The following UBE2E1 variants were observed in gnomAD, a reference collection of about 807,000 sequenced individuals.
UBE2E1 encodes the protein ubiquitin conjugating enzyme E2 E1.
In UBE2E1, 6 loss-of-function variants were observed where a neutral mutation model predicts 21.4. The ratio of observed to expected loss-of-function variants is 0.28; its 90% CI spans 0.15 to 0.55. The LOEUF is 0.55. UBE2E1 is among the 20% of genes least tolerant of loss of function. UBE2E1 has a pLI of 0.93. For missense variants in UBE2E1, 142 were observed against 236.5 expected (o/e 0.60, Z 2.62); for synonymous variants, 87 against 82.7 (o/e 1.05, Z -0.28).
At chr3:23,882,559 G>A (rs1361982079) in intron 3 of UBE2E1, among the ~76,000 whole-genome samples, 1 of 152,258 alleles carries the variant, frequency 6.6e-6, no homozygotes, top group Non-Finnish European at 1.5e-5. Context: ...GCAGGCGATG[G>A]GACCGGGAGC....
chr3:23,854,191 GA>G (rs1417490770), intron 3 of UBE2E1, among the ~76,000 whole-genome samples: 1 of 148,152 alleles, frequency 6.7e-6, no homozygotes, highest in Non-Finnish European at 1.5e-5. Context: ...CTGAGAGGCA[GA>G]GGTTGCAGTG....
intron 3 of UBE2E1, among the ~76,000 whole-genome samples, chr3:23,859,923 G>A (rs889271553): frequency 3.9e-5 from 6 of 151,996 alleles, no homozygotes; most frequent in African/African-American, 1.2e-4. Context: ...GATTTATTTC[G>A]TACTCTCATT....
rs914017293 is a variant in UBE2E1, at chr3:23,880,810, G to A, written c.204-6757G>A. Among the ~76,000 whole-genome samples the A allele has an allele frequency of 3.5e-4, 53 of 152,170 alleles. 1 individual carries two copies. Among genetic ancestry groups the A allele is most frequent in the Non-Finnish European group, 2.9e-5 (2 of 68,036 alleles). ...CTGGAAGATTTTAAGTCAGTCCAGGGAACACAACAGATTCTAGTAAGACTG... is the reference window on the plus strand; with the variant it reads ...CTGGAAGATTTTAAGTCAGTCCAGGAAACACAACAGATTCTAGTAAGACTG... On this transcript the variant is annotated intron_variant, in intron 3 of 5. Coordinates refer to ENST00000306627, the MANE Select transcript of UBE2E1 (RefSeq NM_003341.5).
At position 23,853,306 on chromosome 3, in the gene UBE2E1, TAAG is replaced by T. The variant is rs1700365958; in HGVS notation, c.204-34260_204-34258del. On this transcript the variant is annotated intron_variant, in intron 3 of 5. Coordinates refer to ENST00000306627, the MANE Select transcript of UBE2E1 (RefSeq NM_003341.5). The surrounding 1 kb of genome is among the most constrained non-coding windows in gnomAD (Gnocchi z 4.1). ...GCTCTGAAAAAAATGAAAAATAAAA[TAAG>T]TAGTAGTGAGGGTGGACATGTTTGT... 6.6e-6 allele frequency among the ~76,000 whole-genome samples: 1 copy of T among 152,192 alleles called. No individual in the cohort carries two copies. Among genetic ancestry groups the T allele is most frequent in the Non-Finnish European group, 1.5e-5 (1 of 68,028 alleles).
chr3:23,824,108 C>T (rs548738810), intron 3 of UBE2E1, among the ~76,000 whole-genome samples: 3 of 152,258 alleles, frequency 2.0e-5, no homozygotes, highest in South Asian at 2.1e-4. Flanking sequence ...TTTGTAGATG[C>T]GGGGATTTCT....
chr3:23,826,829 G>T (rs1002331427), intron 3 of UBE2E1, among the ~76,000 whole-genome samples: 9 of 152,082 alleles, frequency 5.9e-5, no homozygotes, highest in African/African-American at 2.2e-4. Context: ...ATTCCTACAC[G>T]TGTATTTTAA....
rs1055019292 is a variant in UBE2E1 at position 23,810,648 on chromosome 3, T to C, written c.153-812T>C. 3 of 951,980 alleles carry C rather than the reference T, an allele frequency of 3.2e-6. No homozygotes were observed. Among genetic ancestry groups the C allele is most frequent in the Non-Finnish European group, 4.4e-6 (3 of 674,734 alleles). The allele number at this position is 951,980 out of a possible 1,614,324, so 59.0% of individuals were successfully genotyped here. ...GTGGTGCCCGAGTGGCGGGCGGGGG[T>C]GTTCGCGCCCTGCTTTCGCGCGCGG... On this transcript the variant is annotated intron_variant, in intron 2 of 5. Transcript: ENST00000306627. The surrounding 1 kb of genome is among the most constrained non-coding windows in gnomAD (Gnocchi z 5.8).
At chr3:23,838,328 A>C (rs1030378242) in intron 3 of UBE2E1, among the ~76,000 whole-genome samples, 4 of 152,080 alleles carry the variant, frequency 2.6e-5, no homozygotes, top group African/African-American at 7.2e-5. Context: ...AGGCCTTCCA[A>C]AGTGCTGGGA....
chr3:23,889,559 GAGTTCTTATAA>G, intron 5 of UBE2E1: 1 of 1,376,836 alleles, frequency 7.3e-7, no homozygotes, highest in Non-Finnish European at 9.3e-7. Context: ...ATTTCCCATA[GAGTTCTTATAA>G]AACAAATCAG....
At chr3:23,886,051 A>G (rs1370612234) in intron 3 of UBE2E1, among the ~76,000 whole-genome samples, 3 of 151,942 alleles carry the variant, frequency 2.0e-5, no homozygotes, top group African/African-American at 7.3e-5. Flanking sequence ...AATAGAAAAC[A>G]TTAGCCAGGT....
intron 3 of UBE2E1, among the ~76,000 whole-genome samples, chr3:23,837,432 C>A (rs1263283763): frequency 6.6e-6 from 1 of 152,148 alleles, no homozygotes; most frequent in Non-Finnish European, 1.5e-5. Context: ...ATACTGGTGT[C>A]TCAAAAAGAT....
intron 3 of UBE2E1, among the ~76,000 whole-genome samples, chr3:23,813,174 G>A (rs1254624192): frequency 1.3e-5 from 2 of 152,190 alleles, no homozygotes; most frequent in Non-Finnish European, 2.9e-5. Flanking sequence ...ACCAAACTGG[G>A]TGGCTGTTGG....
At chr3:23,856,785 A>G (rs975196692) in intron 3 of UBE2E1, among the ~76,000 whole-genome samples, 5 of 152,250 alleles carry the variant, frequency 3.3e-5, no homozygotes, top group African/African-American at 9.6e-5. Flanking sequence ...AATTAATGTC[A>G]TGATTATCAA....
chr3:23,823,035 T>TG lies in UBE2E1; in HGVS notation c.203+11529dup, dbSNP rs1440965285. 3.9e-5 allele frequency among the ~76,000 whole-genome samples: 6 copies of TG among 152,096 alleles called. No individual in the cohort carries two copies. The highest frequency in any genetic ancestry group is 1.4e-4 in the African/African-American group (6 of 41,414). On this transcript the variant is annotated intron_variant, in intron 3 of 5. Coordinates refer to ENST00000306627, the MANE Select transcript of UBE2E1 (RefSeq NM_003341.5). This position sits in a 1 kb window ranked among gnomAD's most constrained non-coding sequence, Gnocchi z 4.2. ...CTAATTTTTGTATTTTTAGTGGAGA[T>TG]GGGGTTTCACCATGTTGGCCAGGCT...
rs570414954 is a variant in UBE2E1 at position 23,840,950 on chromosome 3, A to G, written c.203+29440A>G. Among the ~76,000 whole-genome samples, 40 of 152,202 alleles carry G rather than the reference A, an allele frequency of 2.6e-4. No individual in the cohort carries two copies. In the South Asian group the frequency reaches 8.1e-3, roughly 31 times the overall value. Reference sequence around the variant, plus strand: ...AAACTGCTGTTTTATATATTTTGTCAGTTTTTTTGTTGTTTAAGTGGTAGG... The same window carrying G: ...AAACTGCTGTTTTATATATTTTGTCGGTTTTTTTGTTGTTTAAGTGGTAGG... On this transcript the variant is annotated intron_variant, in intron 3 of 5. Coordinates refer to ENST00000306627, the MANE Select transcript of UBE2E1 (RefSeq NM_003341.5).
chr3:23,880,671 G>C (rs1701017314), intron 3 of UBE2E1, among the ~76,000 whole-genome samples: 1 of 152,244 alleles, frequency 6.6e-6, no homozygotes, highest in African/African-American at 2.4e-5. Context: ...TGAAATGGAA[G>C]AGCAGCAGAG....
chr3:23,883,491 A>C (rs953664795), intron 3 of UBE2E1, among the ~76,000 whole-genome samples: 1 of 152,194 alleles, frequency 6.6e-6, no homozygotes, highest in Non-Finnish European at 1.5e-5. Flanking sequence ...TTTTCCAATG[A>C]GAACTTAGGA....
rs1363041718 is a variant in UBE2E1, at chr3:23,808,488, A to G, written c.152+1067A>G. Reference sequence around the variant, plus strand: ...AAAAATTTTTAAAATAAAGTAGAACATGAGACTTTAGATCTCTCCACTGAG... The same window carrying G: ...AAAAATTTTTAAAATAAAGTAGAACGTGAGACTTTAGATCTCTCCACTGAG... On this transcript the variant is annotated intron_variant, in intron 2 of 5. Transcript: ENST00000306627. The surrounding 1 kb of genome is among the most constrained non-coding windows in gnomAD (Gnocchi z 4.9). Among the ~76,000 whole-genome samples, 2 of 152,214 alleles carry G rather than the reference A, an allele frequency of 1.3e-5. No homozygotes were observed. Among genetic ancestry groups the G allele is most frequent in the Admixed American group, 6.5e-5 (1 of 15,278 alleles).
In UBE2E1 at chr3:23,810,611, C is replaced by G; in HGVS notation, c.153-849C>G. 1 of 1,339,318 alleles carries G rather than the reference C, an allele frequency of 7.5e-7. No individual in the cohort carries two copies. The highest frequency in any genetic ancestry group is 1.4e-5 in the South Asian group (1 of 70,694). 83.0% of individuals were successfully genotyped at this position (1,339,318 alleles called of 1,614,324 possible). A position where few individuals can be genotyped will look rare whatever the true frequency, so the allele number is the denominator to read the frequency against. The stretch of plus-strand genomic sequence containing the variant: ...TGCACCTGTGCGGCCGCGGGCCGGC[C>G]ACTTGGGGTCTGTGGTGCCCGAGTG... On this transcript the variant is annotated intron_variant, in intron 2 of 5. Transcript: ENST00000306627. This position sits in a 1 kb window ranked among gnomAD's most constrained non-coding sequence, Gnocchi z 5.8.
Sources: gnomAD v4.1 joint callset for allele counts (sites outside exome capture counted in the v4.1 genomes callset) on GRCh38, gnomAD v4.1.1 for gene constraint, Gnocchi (gnomAD v3.1) non-coding constraint, MANE v1.5 for transcripts, NCBI Gene and HGNC (gene_info 2026-07-23, HGNC 2026-07-21) for gene names.